GABRG3: variants seen among roughly 807,000 people sequenced by gnomAD.
The protein encoded by GABRG3 is gamma-aminobutyric acid receptor subunit gamma-3.
A neutral mutation model predicts 48.8 loss-of-function variants in GABRG3; 25 were observed. That is an observed-to-expected ratio of 0.51 (90% CI 0.37 to 0.72). The LOEUF is 0.72. Ranked by LOEUF, GABRG3 falls within the 30% of genes least tolerant of loss-of-function variation. GABRG3 has a pLI of 0.00. For synonymous variants in GABRG3, 227 were observed against 217.6 expected, an observed-to-expected ratio of 1.04 and a Z score of -0.38; for missense variants, 394 against 577.9, an observed-to-expected ratio of 0.68 and a Z score of 3.26.
chr15:27,278,908 G>A (rs970899155), intron 3 of GABRG3, among the ~76,000 whole-genome samples: 6 of 152,190 alleles, frequency 3.9e-5, no homozygotes, highest in Non-Finnish European at 8.8e-5. Flanking sequence ...GTTTCCCAGA[G>A]TGGCTGGATC....
At chr15:27,521,004 C>T (rs1371413873) in intron 7 of GABRG3, among the ~76,000 whole-genome samples, 3 of 151,890 alleles carry the variant, frequency 2.0e-5, no homozygotes, top group Non-Finnish European at 4.4e-5. Flanking sequence ...ATAGAAAATA[C>T]GTGGTAGAAT....
chr15:27,211,219 T>C (rs948170701), intron 3 of GABRG3, among the ~76,000 whole-genome samples: 4 of 152,180 alleles, frequency 2.6e-5, no homozygotes, highest in African/African-American at 9.7e-5. Context: ...TTTCCTGCTC[T>C]TATCCACTCT....
intron 3 of GABRG3, among the ~76,000 whole-genome samples, chr15:27,276,029 A>G (rs1407857813): frequency 1.3e-5 from 2 of 152,210 alleles, no homozygotes; most frequent in African/African-American, 4.8e-5. Context: ...GGACCACAGG[A>G]CTTGTGGGAA....
chr15:27,289,520 G>T (rs1891728998), intron 3 of GABRG3, among the ~76,000 whole-genome samples: 1 of 152,146 alleles, frequency 6.6e-6, no homozygotes, highest in Admixed American at 6.5e-5. Context: ...AAAACCTGCT[G>T]TCCTAGCTAT....
chr15:27,409,359 C>G (rs1017070377), intron 5 of GABRG3, among the ~76,000 whole-genome samples: 1 of 152,070 alleles, frequency 6.6e-6, no homozygotes. Flanking sequence ...TATCCTTCCT[C>G]CATTGACTTG....
intron 3 of GABRG3, among the ~76,000 whole-genome samples, chr15:27,274,548 C>T (rs567048312): frequency 1.3e-5 from 2 of 152,312 alleles, no homozygotes; most frequent in African/African-American, 4.8e-5. Flanking sequence ...ACCATGAGAA[C>T]TGTACCAAGC....
At chr15:27,362,029 T>G (rs1357488927) in intron 5 of GABRG3, among the ~76,000 whole-genome samples, 1 of 152,214 alleles carries the variant, frequency 6.6e-6, no homozygotes, top group African/African-American at 2.4e-5. Flanking sequence ...GCTCATGATG[T>G]TTTCCTAGTT....
At chr15:27,332,125 G>A (rs577794759) in intron 5 of GABRG3, among the ~76,000 whole-genome samples, 25 of 152,282 alleles carry the variant, frequency 1.6e-4, no homozygotes, top group Non-Finnish European at 2.1e-4. Context: ...GAGTGATGGA[G>A]GATACTTGCA....
chr15:27,185,103 A>G (rs1406403418), intron 3 of GABRG3, among the ~76,000 whole-genome samples: 2 of 150,508 alleles, frequency 1.3e-5, no homozygotes, highest in Non-Finnish European at 3.0e-5. Context: ...CTTCTTTTTC[A>G]TGTTGCTTGA....
intron 5 of GABRG3, among the ~76,000 whole-genome samples, chr15:27,343,634 A>T (rs1476786280): frequency 1.3e-5 from 2 of 152,206 alleles, no homozygotes; most frequent in Non-Finnish European, 2.9e-5. Flanking sequence ...GATGCAACTC[A>T]TGTAATGCTT....
At position 27,308,131 on chromosome 15, in the gene GABRG3, CATATATGTTT is replaced by C. The variant is rs1892757967; in HGVS notation, c.271-18674_271-18665del. Among the ~76,000 whole-genome samples, 5 of 83,950 alleles carry C rather than the reference CATATATGTTT, an allele frequency of 6.0e-5. 1 individual carries two copies. Among genetic ancestry groups the C allele is most frequent in the Non-Finnish European group, 1.2e-4 (5 of 42,382 alleles). The allele number at this position is 83,950 out of a possible 152,430, so 55.1% of individuals were successfully genotyped here. A position where few individuals can be genotyped will look rare whatever the true frequency, so the allele number is the denominator to read the frequency against. Reference sequence around the variant, plus strand: ...GTTTATACATCCAAACATATATAAACATATATGTTTATACATCCAAACATATATAAACATA... The same window carrying C: ...GTTTATACATCCAAACATATATAAACATACATCCAAACATATATAAACATA... On this transcript the variant is annotated intron_variant, in intron 3 of 9. Coordinates refer to ENST00000615808, the MANE Select transcript of GABRG3 (RefSeq NM_033223.5).
At chr15:27,406,987 G>A (rs982308986) in intron 5 of GABRG3, among the ~76,000 whole-genome samples, 1 of 152,010 alleles carries the variant, frequency 6.6e-6, no homozygotes, top group Non-Finnish European at 1.5e-5. Flanking sequence ...GAGTGCAGTG[G>A]CACAATCTCA....
At chr15:27,449,341 G>C (rs930485892) in intron 5 of GABRG3, among the ~76,000 whole-genome samples, 5 of 152,130 alleles carry the variant, frequency 3.3e-5, no homozygotes, top group Non-Finnish European at 7.4e-5. Flanking sequence ...GTGAAGCCCG[G>C]AGAATTCAAT....
intron 5 of GABRG3, among the ~76,000 whole-genome samples, chr15:27,456,619 G>T (rs1301775287): frequency 1.3e-5 from 2 of 152,210 alleles, no homozygotes; most frequent in African/African-American, 4.8e-5. Context: ...AAAGGAAGGA[G>T]GATGTCTTCC....
chr15:27,235,513 A>T (rs570070899), intron 3 of GABRG3, among the ~76,000 whole-genome samples: 1 of 152,180 alleles, frequency 6.6e-6, no homozygotes, highest in Non-Finnish European at 1.5e-5. Context: ...GGCATGTGGA[A>T]AGCTGAGGTG....
At position 27,060,875 on chromosome 15, in the gene GABRG3, A is replaced by T. The variant is rs545538693; in HGVS notation, c.270+34054A>T. Among the ~76,000 whole-genome samples the T allele has an allele frequency of 3.3e-5, 5 of 152,286 alleles. No homozygotes were observed. The East Asian group carries it at 9.7e-4, about 29-fold the overall frequency. ...GCTCTCATGTCTCCTAGTGGTTCTG[A>T]CTACAAATAGTTCCATTGTTTCTTC... On this transcript the variant is annotated intron_variant, in intron 3 of 9. Coordinates refer to ENST00000615808, the MANE Select transcript of GABRG3 (RefSeq NM_033223.5).
rs1262784034 is a variant in GABRG3, at chr15:27,110,667, G to GT, written c.270+83855dup. 1.7e-4 allele frequency among the ~76,000 whole-genome samples: 26 copies of GT among 150,826 alleles called. No homozygotes were observed. The South Asian group carries it at 4.4e-3, about 26-fold the overall frequency. On this transcript the variant is annotated intron_variant, in intron 3 of 9. Transcript: ENST00000615808. Reference sequence around the variant, plus strand: ...TGGATGTAGAATTTTAAGTTGGTGAGTTTTTTTTTCTTTGAACAATTTAAA... The same window carrying GT: ...TGGATGTAGAATTTTAAGTTGGTGAGTTTTTTTTTTCTTTGAACAATTTAAA...
At chr15:27,476,004 A>C (rs754947557) in intron 5 of GABRG3, among the ~76,000 whole-genome samples, 1 of 152,206 alleles carries the variant, frequency 6.6e-6, no homozygotes, top group African/African-American at 2.4e-5. Context: ...CCACTACATT[A>C]TAATGAACCA....
At chr15:27,379,661 T>C (rs555953175) in intron 5 of GABRG3, among the ~76,000 whole-genome samples, 1 of 152,266 alleles carries the variant, frequency 6.6e-6, no homozygotes, top group South Asian at 2.1e-4. Context: ...TTCTCCTTCA[T>C]TTTTGAAGGG....
Sources: gnomAD v4.1 joint callset for allele counts (sites outside exome capture counted in the v4.1 genomes callset) on GRCh38, gnomAD v4.1.1 for gene constraint, MANE v1.5 for transcripts, NCBI Gene and HGNC (gene_info 2026-07-23, HGNC 2026-07-21) for gene names.